Variants in PCDHGB6 observed in about 807,000 individuals in gnomAD.
PCDHGB6 encodes protocadherin gamma-B6.
In PCDHGB6, 51 loss-of-function variants were observed where a neutral mutation model predicts 59.1. The observed-to-expected ratio is 0.86, with a 90% CI of 0.69 to 1.09. The LOEUF (loss-of-function observed/expected upper bound fraction) is 1.09, where lower values mean the gene tolerates loss of function less well. PCDHGB6 is among the 50% of genes least tolerant of loss of function. PCDHGB6 has a pLI of 0.00. For synonymous variants in PCDHGB6, 466 were observed against 495.1 expected, an observed-to-expected ratio of 0.94 and a Z score of 0.78; for missense variants, 1,148 against 1,205.1, an observed-to-expected ratio of 0.95 and a Z score of 0.70.
chr5:141,506,742 A>G (rs1475692668), intron 3 of PCDHGB6, among the ~76,000 whole-genome samples: 5 of 152,172 alleles, frequency 3.3e-5, no homozygotes, highest in Non-Finnish European at 7.3e-5. Context: ...AATGCCTATT[A>G]ATAAAGACTA....
intron 1 of PCDHGB6, among the ~76,000 whole-genome samples, chr5:141,426,115 G>A (rs574477590): frequency 4.6e-5 from 7 of 152,364 alleles, no homozygotes; most frequent in South Asian, 2.1e-4. Flanking sequence ...GAAGCAAGTC[G>A]GAGAGTGGCC....
At chr5:141,460,981 G>GTATA (rs1491204135) in intron 1 of PCDHGB6, among the ~76,000 whole-genome samples, 10 of 121,884 alleles carry the variant, frequency 8.2e-5, no homozygotes, top group African/African-American at 3.1e-4. Context: ...GTGTGTGTGT[G>GTATA]TGTATATATA....
rs1156927948 is a variant in PCDHGB6, at chr5:141,490,342, G to A, written c.2419-4465G>A. 16 of 1,614,126 alleles carry A rather than the reference G, an allele frequency of 9.9e-6. 1 individual carries two copies. In the Admixed American group the frequency reaches 1.3e-4, roughly 13 times the overall value. ...CCTAGAGAGCACACCAGTGGGCACA[G>A]TAGTGGGGTTGTTTAATGTGCGAGA... On this transcript the variant is annotated intron_variant, in intron 1 of 3. Coordinates refer to ENST00000520790, the MANE Select transcript of PCDHGB6 (RefSeq NM_018926.3). This position sits in a 1 kb window ranked among gnomAD's most constrained non-coding sequence, Gnocchi z 5.4.
intron 1 of PCDHGB6, among the ~76,000 whole-genome samples, chr5:141,456,917 C>G (rs1005360691): frequency 2.6e-5 from 4 of 152,032 alleles, no homozygotes; most frequent in Non-Finnish European, 5.9e-5. Context: ...GAGCCGAGAT[C>G]GCACCACTGC....
At position 141,511,181 on chromosome 5, in the gene PCDHGB6, G is replaced by A. The variant is rs1301391138; in HGVS notation, c.*8G>A. On this transcript the variant is annotated 3_prime_UTR_variant, in exon 4 of 4. Transcript: ENST00000520790. Reference sequence around the variant, plus strand: ...AAGAAGGAGAAGAAGTAACATGGAGGCCAGGCCAAGAGCCACAGGGCGGCC... The same window carrying A: ...AAGAAGGAGAAGAAGTAACATGGAGACCAGGCCAAGAGCCACAGGGCGGCC... 6.2e-7 allele frequency: 1 copy of A among 1,614,016 alleles called. No homozygotes were observed. The highest frequency in any genetic ancestry group is 1.7e-5 in the Admixed American group (1 of 60,016).
chr5:141,508,507 TGGTCCAGCCCAACCTCAG>T (rs1377043623), intron 3 of PCDHGB6, among the ~76,000 whole-genome samples: 1 of 152,178 alleles, frequency 6.6e-6, no homozygotes, highest in Non-Finnish European at 1.5e-5. Flanking sequence ...CTCTCCCTCC[TGGTCCAGCCCAACCTCAG>T]GGCACCCCCC....
chr5:141,454,503 T>A (rs988138847), intron 1 of PCDHGB6, among the ~76,000 whole-genome samples: 1 of 152,308 alleles, frequency 6.6e-6, no homozygotes, highest in Non-Finnish European at 1.5e-5. Flanking sequence ...ACCTCCTGGA[T>A]TCAGGCAGTT....
chr5:141,421,535 G>A, intron 1 of PCDHGB6: 7 of 1,614,032 alleles, frequency 4.3e-6, no homozygotes, highest in East Asian at 2.2e-5. Flanking sequence ...GTGTCCTCCT[G>A]TTTTTTAAAT....
At chr5:141,421,320 G>T (rs1561793188) in intron 1 of PCDHGB6, 2 of 1,613,786 alleles carry the variant, frequency 1.2e-6, no homozygotes, top group Non-Finnish European at 1.7e-6. Flanking sequence ...GGGCCAGGCA[G>T]ATCCGATATT....
At chr5:141,473,635 C>A (rs945632106) in intron 1 of PCDHGB6, among the ~76,000 whole-genome samples, 1 of 152,128 alleles carries the variant, frequency 6.6e-6, no homozygotes, top group African/African-American at 2.4e-5. Flanking sequence ...AGCAGCTTTC[C>A]TGGCAAAGGA....
Position 141,478,415 on chromosome 5 carries a change from C to A in PCDHGB6, c.2419-16392C>A, listed in dbSNP as rs182700706. 5.6e-6 allele frequency: 9 copies of A among 1,613,648 alleles called. No homozygotes were observed. In the East Asian group the frequency reaches 2.0e-4, roughly 36 times the overall value. ...TCAGGTGTATCTCACCACGGACTCC[C>A]GCCGCAGCGACCCGCTGCTGAAGAA... On this transcript the variant is annotated intron_variant, in intron 1 of 3. Coordinates refer to ENST00000520790, the MANE Select transcript of PCDHGB6 (RefSeq NM_018926.3).
rs1334123861 is a variant in PCDHGB6, at chr5:141,414,743, C to G, written c.2418+4123C>G. On this transcript the variant is annotated intron_variant, in intron 1 of 3. Coordinates refer to ENST00000520790, the MANE Select transcript of PCDHGB6 (RefSeq NM_018926.3). ...ACTGGCGTCCTGTATGCACTCAGAT[C>G]CTTCGACTATGAGCAGTTTCATGAG... 1.9e-6 allele frequency: 3 copies of G among 1,614,216 alleles called. No homozygotes were observed. In the East Asian group the frequency reaches 6.7e-5, roughly 36 times the overall value.
intron 1 of PCDHGB6, chr5:141,417,649 C>G (rs1294192479): frequency 1.2e-6 from 1 of 826,168 alleles, no homozygotes; most frequent in East Asian, 2.8e-5. Flanking sequence ...CCCTCAGCCT[C>G]TAGCCTGGGA....
At chr5:141,413,990 A>G (rs1179968710) in intron 1 of PCDHGB6, 6 of 1,613,434 alleles carry the variant, frequency 3.7e-6, no homozygotes, top group Admixed American at 1.7e-5. Context: ...ACAGCCACCG[A>G]CAGGGACGAA....
rs747671382 is a variant in PCDHGB6 at position 141,444,152 on chromosome 5, A to ATTTTTTTTTT, written c.2418+33559_2418+33568dup. 1.8e-4 allele frequency among the ~76,000 whole-genome samples: 6 copies of ATTTTTTTTTT among 33,898 alleles called. 2 individuals are homozygous for ATTTTTTTTTT. Among genetic ancestry groups the ATTTTTTTTTT allele is most frequent in the Non-Finnish European group, 3.1e-4 (6 of 19,312 alleles). The allele number at this position is 33,898 out of a possible 152,430, so 22.2% of individuals were successfully genotyped here. A position where few individuals can be genotyped will look rare whatever the true frequency, so the allele number is the denominator to read the frequency against. On this transcript the variant is annotated intron_variant, in intron 1 of 3. Coordinates refer to ENST00000520790, the MANE Select transcript of PCDHGB6 (RefSeq NM_018926.3). ...GATATGTGTCACTTGTGTGTACTGG[A>ATTTTTTTTTT]TTTTTTTTTTTTTTTTTTTTTTTTT...
In PCDHGB6 at chr5:141,487,829, C is replaced by T. The variant is rs528435429; in HGVS notation, c.2419-6978C>T. On this transcript the variant is annotated intron_variant, in intron 1 of 3. Transcript: ENST00000520790. The surrounding 1 kb of genome is among the most constrained non-coding windows in gnomAD (Gnocchi z 5.0). ...GTTTAGCATTGGGGGCGGGTCATGC[C>T]TATATCTGAGTAAGAAATGAAAGTA... The T allele has an allele frequency of 1.1e-4, 125 of 1,182,994 alleles. No homozygotes were observed. In the Middle Eastern group the frequency reaches 3.7e-3, roughly 35 times the overall value. 73.3% of individuals were successfully genotyped at this position (1,182,994 alleles called of 1,614,324 possible).
chr5:141,419,551 C>T lies in PCDHGB6; in HGVS notation c.2418+8931C>T, dbSNP rs772468979. Reference sequence around the variant, plus strand: ...ACGACAACGCACCGCGGGTGCTGTACCCTGCGCTGGGTCCCGACGGCTCCG... The same window carrying T: ...ACGACAACGCACCGCGGGTGCTGTATCCTGCGCTGGGTCCCGACGGCTCCG... On this transcript the variant is annotated intron_variant, in intron 1 of 3. Transcript: ENST00000520790. 7 of 1,611,916 alleles carry T rather than the reference C, an allele frequency of 4.3e-6. No individual in the cohort carries two copies. The Admixed American group carries it at 1.2e-4, about 27-fold the overall frequency.
chr5:141,503,392 C>T lies in PCDHGB6; in HGVS notation c.2478-2001C>T, dbSNP rs554732406. 1.2e-4 allele frequency among the ~76,000 whole-genome samples: 18 copies of T among 151,870 alleles called. No individual in the cohort carries two copies. The South Asian group carries it at 3.5e-3, about 30-fold the overall frequency. On this transcript the variant is annotated intron_variant, in intron 2 of 3. Transcript: ENST00000520790. ...CAGGTGGATCATGAGGTCAGGAGTT[C>T]GAAACCAACCTGGCCAATATGGTGA...
At position 141,494,693 on chromosome 5, in the gene PCDHGB6, G is replaced by A. The variant is rs2099756182; in HGVS notation, c.2419-114G>A. The A allele has an allele frequency of 5.0e-6, 8 of 1,585,786 alleles. No individual in the cohort carries two copies. In the South Asian group the frequency reaches 6.8e-5, roughly 13 times the overall value. ...GTCCACCCCTGCCCCCTCTTAGTCC[G>A]TTTTCTTCTCTGTGCCCACTCCCCT... is the stretch of plus-strand genomic sequence containing the variant. On this transcript the variant is annotated intron_variant, in intron 1 of 3. Transcript: ENST00000520790.
Sources: allele counts gnomAD v4.1 joint callset (sites outside exome capture counted in the v4.1 genomes callset), GRCh38; gene constraint gnomAD v4.1.1; non-coding constraint Gnocchi (gnomAD v3.1); transcripts MANE v1.5; gene names NCBI Gene and HGNC (gene_info 2026-07-23, HGNC 2026-07-21).